The following SYNJ2BP variants were observed in gnomAD, a reference collection of about 807,000 sequenced individuals.
The protein encoded by SYNJ2BP is synaptojanin 2 binding protein, also known as synaptojanin-2-binding protein.
SYNJ2BP carries 10 observed loss-of-function variants against 16.9 expected under a neutral mutation model. That is an observed-to-expected ratio of 0.59 (90% CI 0.36 to 1.00). SYNJ2BP has a LOEUF of 1.00. Ranked by LOEUF, SYNJ2BP falls within the 50% of genes least tolerant of loss-of-function variation. SYNJ2BP has a pLI of 0.01. For synonymous variants in SYNJ2BP, 54 were observed against 68.4 expected (o/e 0.79, Z 1.04); for missense variants, 162 against 186.7 (o/e 0.87, Z 0.77).
chr14:70,374,682 C>T (rs1421546608), intron 3 of SYNJ2BP, among the ~76,000 whole-genome samples: 1 of 152,036 alleles, frequency 6.6e-6, no homozygotes, highest in East Asian at 1.9e-4. Context: ...CTCCTATGAA[C>T]ACTAAAGATT....
chr14:70,380,933 A>G (rs1375572490), intron 2 of SYNJ2BP, among the ~76,000 whole-genome samples: 1 of 152,196 alleles, frequency 6.6e-6, no homozygotes, highest in South Asian at 2.1e-4. Context: ...ACCACTTTGC[A>G]TTCTATTGTA....
At chr14:70,380,195 C>T (rs1887716218) in intron 2 of SYNJ2BP, among the ~76,000 whole-genome samples, 1 of 152,206 alleles carries the variant, frequency 6.6e-6, no homozygotes, top group Admixed American at 6.5e-5. Context: ...AGGATTCAAA[C>T]TCAAGCAGGC....
chr14:70,402,102 T>C (rs145922982), intron 1 of SYNJ2BP, among the ~76,000 whole-genome samples: 2 of 152,288 alleles, frequency 1.3e-5, no homozygotes, highest in East Asian at 3.9e-4. Context: ...TATTCTGTCT[T>C]CTTGTGGAGT....
intron 1 of SYNJ2BP, among the ~76,000 whole-genome samples, chr14:70,409,844 C>T (rs1888431298): frequency 6.6e-6 from 1 of 152,070 alleles, no homozygotes; most frequent in South Asian, 2.1e-4. Context: ...GGCACAGTGG[C>T]TCATGCCTGG....
chr14:70,405,782 G>C (rs1431418155), intron 1 of SYNJ2BP, among the ~76,000 whole-genome samples: 1 of 152,146 alleles, frequency 6.6e-6, no homozygotes, highest in Non-Finnish European at 1.5e-5. Flanking sequence ...CATATACTAA[G>C]AGATAATAAA....
intron 2 of SYNJ2BP, 139 bp downstream of exon 2, chr14:70,388,331 T>C (rs915222679): frequency 7.8e-7 from 1 of 1,275,360 alleles, no homozygotes. Context: ...AAAGAATGAC[T>C]GATCAAAGTT....
At chr14:70,397,533 G>C (rs1324074783) in intron 1 of SYNJ2BP, among the ~76,000 whole-genome samples, 1 of 152,188 alleles carries the variant, frequency 6.6e-6, no homozygotes, top group Non-Finnish European at 1.5e-5. Flanking sequence ...AGCAGGGTGG[G>C]CAGCTCCAGG....
intron 1 of SYNJ2BP, among the ~76,000 whole-genome samples, chr14:70,409,403 C>G (rs1006337817): frequency 6.6e-5 from 10 of 152,148 alleles, no homozygotes; most frequent in Non-Finnish European, 1.3e-4. Context: ...GCTATTTTTC[C>G]CTCAATAAAT....
intron 1 of SYNJ2BP, among the ~76,000 whole-genome samples, chr14:70,408,322 T>C (rs568676154): frequency 6.6e-6 from 1 of 152,242 alleles, no homozygotes; most frequent in South Asian, 2.1e-4. Context: ...TTAAATGAGT[T>C]GTTTTGTGGT....
At position 70,375,691 on chromosome 14, in the gene SYNJ2BP, C is replaced by T. The variant is rs1485733504; in HGVS notation, c.282G>A (p.Leu94=). Residue 94 remains leucine (L), a synonymous_variant, in exon 3 of 4, where the codon CTG becomes CTA. Transcript: ENST00000256366. The stretch of plus-strand genomic sequence containing the variant: ...TGATACCTACCCTGTGCTGCACTCT[C>T]AGAGACACAGCATAGCCTGCATTAC... ...LFRNAGYAVS[L]RVQHRLQVQN... is the part of the protein sequence containing the mutation. The T allele has an allele frequency of 2.5e-6, 4 of 1,614,090 alleles. No homozygotes were observed. The highest frequency in any genetic ancestry group is 3.4e-6 in the Non-Finnish European group (4 of 1,179,980).
chr14:70,367,086 G>T lies in SYNJ2BP; in HGVS notation c.*5905C>A, dbSNP rs551096090. The T allele has an allele frequency of 6.6e-6, 1 of 152,068 alleles. No homozygotes were observed. Among genetic ancestry groups the T allele is most frequent in the African/African-American group, 2.4e-5 (1 of 41,400 alleles). The allele number at this position is 152,068 out of a possible 1,614,324, so 9.4% of individuals were successfully genotyped here. ...GCATTGACAACACACTTTAGCTCTC[G>T]CCCCTTTCATTCTCCCCCTGCAAGA... On this transcript the variant is annotated 3_prime_UTR_variant, in exon 4 of 4. Transcript: ENST00000256366.
Position 70,366,703 on chromosome 14 carries a change from C to T in SYNJ2BP, c.*6288G>A, listed in dbSNP as rs894143391. 3 of 152,186 alleles carry T rather than the reference C, an allele frequency of 2.0e-5. No homozygotes were observed. Among genetic ancestry groups the T allele is most frequent in the Non-Finnish European group, 4.4e-5 (3 of 68,024 alleles). 9.4% of individuals were successfully genotyped at this position (152,186 alleles called of 1,614,324 possible). ...TTTTATGTCCGTGTGTCTTCTGTGT[C>T]TTCCAAGTTGCTACAGGGCTCTATT... On this transcript the variant is annotated 3_prime_UTR_variant, in exon 4 of 4. Transcript: ENST00000256366.
At chr14:70,398,897 G>A (rs933488943) in intron 1 of SYNJ2BP, among the ~76,000 whole-genome samples, 10 of 152,290 alleles carry the variant, frequency 6.6e-5, no homozygotes, top group African/African-American at 1.4e-4. Flanking sequence ...ACTCACTGTC[G>A]CTTGGCTCAC....
chr14:70,384,019 G>C (rs1010228235), intron 2 of SYNJ2BP, among the ~76,000 whole-genome samples: 1 of 151,070 alleles, frequency 6.6e-6, no homozygotes, highest in African/African-American at 2.4e-5. Context: ...GTGCAGTGGC[G>C]CGATCTCGGC....
chr14:70,399,018 G>T (rs1353038623), intron 1 of SYNJ2BP, among the ~76,000 whole-genome samples: 1 of 152,168 alleles, frequency 6.6e-6, no homozygotes, highest in Non-Finnish European at 1.5e-5. Flanking sequence ...CCCAGATGCA[G>T]GGTGGACCCC....
At chr14:70,416,856 C>A (rs774449649) in intron 1 of SYNJ2BP, 44 bp downstream of exon 1, 1 of 1,612,688 alleles carries the variant, frequency 6.2e-7, no homozygotes, top group Non-Finnish European at 8.5e-7. Flanking sequence ...TGCAATTACA[C>A]CCTCTAATCC....
intron 2 of SYNJ2BP, among the ~76,000 whole-genome samples, chr14:70,379,942 C>T (rs917168356): frequency 2.6e-5 from 4 of 152,152 alleles, no homozygotes; most frequent in African/African-American, 4.8e-5. Flanking sequence ...AACTGGGTCA[C>T]TATATTAAAT....
rs1767265416 is a variant in SYNJ2BP, at chr14:70,372,652, T to C, written c.*339A>G. On this transcript the variant is annotated 3_prime_UTR_variant, in exon 4 of 4. Coordinates refer to ENST00000256366, the MANE Select transcript of SYNJ2BP (RefSeq NM_018373.3). ...TCTAATATCACATAGCTGGCCTTTATGGCATGCCAGCTAAGAAAAAAGGTA... is the reference window on the plus strand; with the variant it reads ...TCTAATATCACATAGCTGGCCTTTACGGCATGCCAGCTAAGAAAAAAGGTA... The C allele has an allele frequency of 1.0e-5, 2 of 191,298 alleles. No homozygotes were observed. Among genetic ancestry groups the C allele is most frequent in the East Asian group, 1.3e-4 (1 of 7,528 alleles). 11.9% of individuals were successfully genotyped at this position (191,298 alleles called of 1,614,324 possible).
At chr14:70,388,741 G>A in intron 1 of SYNJ2BP, 135 bp from the exon 2 acceptor site, 1 of 1,285,702 alleles carries the variant, frequency 7.8e-7, no homozygotes. Context: ...GAGTCAGCCT[G>A]TGATGGAGCT....
Sources: allele counts gnomAD v4.1 joint callset (sites outside exome capture counted in the v4.1 genomes callset), GRCh38; gene constraint gnomAD v4.1.1; transcripts MANE v1.5; gene names NCBI Gene and HGNC (gene_info 2026-07-23, HGNC 2026-07-21).